The following MAP3K20 variants were observed in gnomAD, a reference collection of about 807,000 sequenced individuals.
MAP3K20 encodes HCCS-4.
In MAP3K20, 40 loss-of-function variants were observed where a neutral mutation model predicts 85.7. That is an observed-to-expected ratio of 0.47 (90% CI 0.36 to 0.61). The LOEUF (loss-of-function observed/expected upper bound fraction) is 0.61. Ranked by LOEUF, MAP3K20 falls within the 20% of genes least tolerant of loss-of-function variation. The pLI is 0.00. For synonymous variants in MAP3K20, 325 were observed against 327.7 expected (o/e 0.99, Z 0.09); for missense variants, 817 against 961.7 (o/e 0.85, Z 1.99).
chr2:173,111,791 T>C (rs1286390479), intron 2 of MAP3K20, among the ~76,000 whole-genome samples: 1 of 152,238 alleles, frequency 6.6e-6, no homozygotes, highest in African/African-American at 2.4e-5. Flanking sequence ...ATGTGCCTAT[T>C]TTTGGACCAG....
chr2:173,140,896 C>T (rs903127710), intron 2 of MAP3K20, among the ~76,000 whole-genome samples: 2 of 152,020 alleles, frequency 1.3e-5, no homozygotes, highest in African/African-American at 2.4e-5. Context: ...GTGTAAATGT[C>T]GATTTCTATT....
At chr2:173,088,134 A>C (rs1288914138) in intron 1 of MAP3K20, among the ~76,000 whole-genome samples, 1 of 152,210 alleles carries the variant, frequency 6.6e-6, no homozygotes, top group Non-Finnish European at 1.5e-5. Context: ...GGGAGAGATT[A>C]ATGGGGGGAA....
chr2:173,182,843 T>C lies in MAP3K20; in HGVS notation c.248-11T>C. 1 of 1,558,836 alleles carries C rather than the reference T, an allele frequency of 6.4e-7. No individual in the cohort carries two copies. The highest frequency in any genetic ancestry group is 8.7e-7 in the Non-Finnish European group (1 of 1,149,826). ...ATTTTAATTATATGCTTATCTTTCC[T>C]TTTAAAATAGAATATGCTTCTCTGG... On this transcript the variant is annotated splice_polypyrimidine_tract_variant and intron_variant, in intron 3 of 19. Coordinates refer to ENST00000375213, the MANE Select transcript of MAP3K20 (RefSeq NM_016653.3).
intron 2 of MAP3K20, among the ~76,000 whole-genome samples, chr2:173,125,176 C>G (rs1688406753): frequency 6.6e-6 from 1 of 152,148 alleles, no homozygotes; most frequent in Non-Finnish European, 1.5e-5. Context: ...ACCATTTTGT[C>G]TTCCCTATTT....
chr2:173,226,428 C>G, intron 11 of MAP3K20: 2 of 985,456 alleles, frequency 2.0e-6, no homozygotes, highest in Non-Finnish European at 2.4e-6. Flanking sequence ...TTTCTATAAT[C>G]AGGCACCTTT....
chr2:173,076,867 T>G (rs910960144), intron 1 of MAP3K20, among the ~76,000 whole-genome samples: 5 of 152,242 alleles, frequency 3.3e-5, no homozygotes, highest in Non-Finnish European at 7.3e-5. Flanking sequence ...CGCTTGCCCA[T>G]GACAGCTTTC....
At chr2:173,258,842 C>T (rs371935860) in intron 17 of MAP3K20, 27 bp downstream of exon 17, 3 of 1,410,940 alleles carry the variant, frequency 2.1e-6, no homozygotes, top group African/African-American at 2.8e-5. Context: ...GGCTTAAAAG[C>T]TCTTTTGAAT....
At chr2:173,213,055 AAT>A (rs1453936663) in intron 10 of MAP3K20, among the ~76,000 whole-genome samples, 3 of 152,064 alleles carry the variant, frequency 2.0e-5, no homozygotes, top group African/African-American at 7.2e-5. Flanking sequence ...TTATAAAATA[AAT>A]ATATATTATT....
intron 11 of MAP3K20, chr2:173,225,814 T>C (rs8446): frequency 0.68 from 673,191 of 984,594 alleles, 232,444 homozygotes; most frequent in Non-Finnish European, 0.71. Context: ...TCCCTAAAAA[T>C]GGTTTCTTTC....
At chr2:173,254,299 G>C (rs1221978628) in intron 16 of MAP3K20, among the ~76,000 whole-genome samples, 1 of 151,450 alleles carries the variant, frequency 6.6e-6, no homozygotes, top group Non-Finnish European at 1.5e-5. Context: ...GTGGTGGCGG[G>C]CGCCTGTAGT....
intron 2 of MAP3K20, among the ~76,000 whole-genome samples, chr2:173,127,393 CAG>C (rs910103170): frequency 3.3e-5 from 5 of 152,050 alleles, no homozygotes; most frequent in African/African-American, 9.7e-5. Context: ...TATTCAGAAA[CAG>C]AAATTTTGCT....
At chr2:173,169,446 C>T (rs1689936976) in intron 2 of MAP3K20, among the ~76,000 whole-genome samples, 2 of 152,020 alleles carry the variant, frequency 1.3e-5, no homozygotes, top group African/African-American at 4.8e-5. Context: ...TAAGGCCGGG[C>T]ATGGTAGCTC....
intron 16 of MAP3K20, among the ~76,000 whole-genome samples, chr2:173,242,436 G>C (rs543061665): frequency 2.0e-5 from 3 of 151,714 alleles, no homozygotes; most frequent in African/African-American, 7.3e-5. Context: ...CCCAAAGTGC[G>C]GGATTACAGG....
intron 4 of MAP3K20, among the ~76,000 whole-genome samples, chr2:173,185,567 G>A (rs1049799358): frequency 1.3e-5 from 2 of 152,172 alleles, no homozygotes; most frequent in African/African-American, 4.8e-5. Flanking sequence ...ATTCAGCTAT[G>A]TACCTTTCAG....
intron 2 of MAP3K20, among the ~76,000 whole-genome samples, chr2:173,142,329 C>A (rs142902152): frequency 6.6e-6 from 1 of 151,896 alleles, no homozygotes; most frequent in Admixed American, 6.6e-5. Flanking sequence ...AAAATAAGCC[C>A]GGCGTGGTGG....
Position 173,267,745 on chromosome 2 carries a change from A to T in MAP3K20, c.*995A>T, listed in dbSNP as rs1361307230. 2.0e-5 allele frequency: 3 copies of T among 152,242 alleles called. No homozygotes were observed. Among genetic ancestry groups the T allele is most frequent in the Non-Finnish European group, 4.4e-5 (3 of 68,040 alleles). 9.4% of individuals were successfully genotyped at this position (152,242 alleles called of 1,614,324 possible). A position where few individuals can be genotyped will look rare whatever the true frequency, so the allele number is the denominator to read the frequency against. ...AAAGAAAACAGACACAGAGCAAGAC[A>T]ATAACATCACAAGCTAAAAGCCAGA... On this transcript the variant is annotated 3_prime_UTR_variant, in exon 20 of 20. Coordinates refer to ENST00000375213, the MANE Select transcript of MAP3K20 (RefSeq NM_016653.3).
chr2:173,245,578 G>A (rs760980125), intron 16 of MAP3K20, among the ~76,000 whole-genome samples: 2 of 152,164 alleles, frequency 1.3e-5, no homozygotes, highest in Non-Finnish European at 2.9e-5. Flanking sequence ...ATTAATAAGC[G>A]AAACAGGTTT....
intron 3 of MAP3K20, among the ~76,000 whole-genome samples, chr2:173,173,154 C>CTG (rs57836780): frequency 0.093 from 12,919 of 138,416 alleles, 714 homozygotes; most frequent in Non-Finnish European, 0.13. Context: ...TCTTTTATTT[C>CTG]TGTGTGTGTG....
chr2:173,115,082 T>C (rs1338511399), intron 2 of MAP3K20, among the ~76,000 whole-genome samples: 1 of 149,696 alleles, frequency 6.7e-6, no homozygotes, highest in Non-Finnish European at 1.5e-5. Flanking sequence ...CCCAGACTTC[T>C]TAGAGGGTTT....
Sources: allele counts gnomAD v4.1 joint callset (sites outside exome capture counted in the v4.1 genomes callset), GRCh38; gene constraint gnomAD v4.1.1; transcripts MANE v1.5; gene names NCBI Gene and HGNC (gene_info 2026-07-23, HGNC 2026-07-21).